PHF24: variants seen among roughly 807,000 people sequenced by gnomAD.
The protein encoded by PHF24 is Galpha inhibitory interacting protein.
Under a neutral mutation model 42.6 loss-of-function variants are expected in PHF24, and 25 were observed. That is an observed-to-expected ratio of 0.59 (90% CI 0.43 to 0.82). The LOEUF (loss-of-function observed/expected upper bound fraction) is 0.82. Among genes scored for constraint, PHF24 ranks in the 40% least tolerant of loss-of-function variants. The probability of loss-of-function intolerance (pLI) is 0.00; values close to 1 mark genes in which losing one functional copy is unlikely to be tolerated. For missense variants in PHF24, 470 were observed against 538.1 expected (o/e 0.87, Z 1.25); for synonymous variants, 185 against 204.8 (o/e 0.90, Z 0.83).
At chr9:34,671,336 T>C in the PHF24 span, among the ~76,000 whole-genome samples, 2 of 152,198 alleles carry the variant, frequency 1.3e-5, no homozygotes, top group African/African-American at 4.8e-5. Flanking sequence ...CAACAAGTTA[T>C]ATGAAATGGA....
the PHF24 span, among the ~76,000 whole-genome samples, chr9:34,850,927 G>A: frequency 3.3e-5 from 5 of 152,174 alleles, no homozygotes; most frequent in South Asian, 2.1e-4. Context: ...TTTGTGAACC[G>A]CGAATGCTGC....
the PHF24 span, among the ~76,000 whole-genome samples, chr9:34,839,017 C>CA: frequency 1.3e-5 from 2 of 152,106 alleles, no homozygotes; most frequent in Admixed American, 6.6e-5. Context: ...TGATTGGTAA[C>CA]AGAGGTGCGG....
chr9:34,928,239 A>G, the PHF24 span, among the ~76,000 whole-genome samples: 3 of 143,632 alleles, frequency 2.1e-5, no homozygotes, highest in Admixed American at 7.0e-5. Flanking sequence ...AAAAAAATCT[A>G]CTCTTTGACG....
the PHF24 span, among the ~76,000 whole-genome samples, chr9:34,674,568 A>G: frequency 6.6e-6 from 1 of 152,216 alleles, no homozygotes; most frequent in African/African-American, 2.4e-5. Context: ...TTCCAATAAA[A>G]CTCTATTTAC....
At chr9:34,788,917 TAAG>T in the PHF24 span, among the ~76,000 whole-genome samples, 3 of 152,138 alleles carry the variant, frequency 2.0e-5, no homozygotes, top group Admixed American at 6.5e-5. Flanking sequence ...TACATGCTGA[TAAG>T]GAGGGGAAGA....
At chr9:34,961,751 AGT>A (rs1230630797) in intron 1 of PHF24, among the ~76,000 whole-genome samples, 1 of 152,192 alleles carries the variant, frequency 6.6e-6, no homozygotes. Context: ...ATATACTCTG[AGT>A]GTAAACTGAC....
At chr9:34,692,338 C>T in the PHF24 span, among the ~76,000 whole-genome samples, 1 of 152,304 alleles carries the variant, frequency 6.6e-6, no homozygotes, top group East Asian at 1.9e-4. Context: ...GCTTAACTTT[C>T]CCAAAACAAT....
At chr9:34,847,807 T>C in the PHF24 span, among the ~76,000 whole-genome samples, 10 of 152,152 alleles carry the variant, frequency 6.6e-5, no homozygotes, top group Admixed American at 2.0e-4. Context: ...GTTTTTAGCA[T>C]GAAGCGTTGT....
At chr9:34,752,359 C>T in the PHF24 span, among the ~76,000 whole-genome samples, 1 of 152,054 alleles carries the variant, frequency 6.6e-6, no homozygotes, top group African/African-American at 2.4e-5. Flanking sequence ...GGAGACATTT[C>T]AACCAACACC....
At chr9:34,718,459 G>A in the PHF24 span, among the ~76,000 whole-genome samples, 1 of 152,212 alleles carries the variant, frequency 6.6e-6, no homozygotes, top group Admixed American at 6.5e-5. Flanking sequence ...CACTTTACAT[G>A]CCTGCTTTGT....
chr9:34,833,577 T>G, the PHF24 span: 7 of 1,550,896 alleles, frequency 4.5e-6, no homozygotes, highest in Non-Finnish European at 6.1e-6. Flanking sequence ...TTCCTTGCCC[T>G]AATGGGAATT....
chr9:34,853,334 CT>C, the PHF24 span, among the ~76,000 whole-genome samples: 1 of 152,116 alleles, frequency 6.6e-6, no homozygotes, highest in Non-Finnish European at 1.5e-5. Flanking sequence ...GGTGGATAAG[CT>C]TTTTGATGTG....
chr9:34,877,229 C>T, the PHF24 span, among the ~76,000 whole-genome samples: 3 of 146,226 alleles, frequency 2.1e-5, no homozygotes, highest in African/African-American at 7.6e-5. Context: ...TGCAGTGAGC[C>T]AAGATCACAC....
chr9:34,709,859 T>C, the PHF24 span: 9 of 1,614,222 alleles, frequency 5.6e-6, no homozygotes, highest in Middle Eastern at 1.6e-4. Context: ...TTCCTTTGGC[T>C]GTACTTGAGG....
At chr9:34,728,820 T>G in the PHF24 span, among the ~76,000 whole-genome samples, 1 of 152,230 alleles carries the variant, frequency 6.6e-6, no homozygotes, top group Non-Finnish European at 1.5e-5. Context: ...TTTACCCCAT[T>G]TTCCTTCTCT....
chr9:34,688,292 G>T, the PHF24 span, among the ~76,000 whole-genome samples: 9 of 152,194 alleles, frequency 5.9e-5, no homozygotes, highest in African/African-American at 1.9e-4. Flanking sequence ...GCACAGCCTT[G>T]TCACTCCCAG....
chr9:34,958,737 G>A lies in PHF24; in HGVS notation c.-5+336G>A, dbSNP rs1473564721. Among the ~76,000 whole-genome samples the A allele has an allele frequency of 1.3e-5, 2 of 152,178 alleles. No homozygotes were observed. The highest frequency in any genetic ancestry group is 4.8e-5 in the African/African-American group (2 of 41,460). ...GGAGCAGGCACAAGGGTGGTCTCTG[G>A]AGCTGGCTCAATGGAAGACCACCTG... is the stretch of plus-strand genomic sequence containing the variant. On this transcript the variant is annotated intron_variant, in intron 1 of 7. Coordinates refer to ENST00000242315, the Ensembl canonical transcript of PHF24. This position sits in a 1 kb window ranked among gnomAD's most constrained non-coding sequence, Gnocchi z 4.5.
the PHF24 span, among the ~76,000 whole-genome samples, chr9:34,850,007 C>T: frequency 6.7e-4 from 102 of 152,250 alleles, 1 homozygote; most frequent in East Asian, 0.011. Flanking sequence ...GTGGGTAACC[C>T]GACCTTTGTC....
upstream of PHF24, among the ~76,000 whole-genome samples, chr9:34,955,352 T>C (rs1263716307): frequency 6.7e-6 from 1 of 148,894 alleles, no homozygotes; most frequent in South Asian, 2.1e-4. Flanking sequence ...TTGAAAACAG[T>C]CCCTACCTTG....
Sources: gnomAD v4.1 joint callset for allele counts (sites outside exome capture counted in the v4.1 genomes callset) on GRCh38, gnomAD v4.1.1 for gene constraint, Gnocchi (gnomAD v3.1) non-coding constraint, MANE v1.5 for transcripts, NCBI Gene and HGNC (gene_info 2026-07-23, HGNC 2026-07-21) for gene names.